The following CNTNAP5 variants were observed in gnomAD, a reference collection of about 807,000 sequenced individuals.
The protein encoded by CNTNAP5 is contactin-associated protein-like 5.
In CNTNAP5, 72 loss-of-function variants were observed where a neutral mutation model predicts 150.2. The observed-to-expected ratio is 0.48, with a 90% CI of 0.40 to 0.58. CNTNAP5 has a LOEUF of 0.58. Among genes scored for constraint, CNTNAP5 ranks in the 20% least tolerant of loss-of-function variants. The probability of loss-of-function intolerance (pLI) is 0.00; values close to 1 mark genes in which losing one functional copy is unlikely to be tolerated. For synonymous variants in CNTNAP5, 672 were observed against 619.8 expected, an observed-to-expected ratio of 1.08 and a Z score of -1.25; for missense variants, 1,636 against 1,626.2, an observed-to-expected ratio of 1.01 and a Z score of -0.10.
chr2:124,569,764 C>A (rs1696110575), intron 11 of CNTNAP5, among the ~76,000 whole-genome samples: 1 of 152,172 alleles, frequency 6.6e-6, no homozygotes, highest in South Asian at 2.1e-4. Context: ...CTCTTCCAAG[C>A]CTGATGTAGT....
At chr2:124,129,501 A>G (rs1026242099) in intron 1 of CNTNAP5, among the ~76,000 whole-genome samples, 1 of 151,410 alleles carries the variant, frequency 6.6e-6, no homozygotes, top group African/African-American at 2.4e-5. Context: ...GTATTTAAGA[A>G]GATTAAGTGG....
At chr2:124,194,248 G>T (rs1427104833) in intron 1 of CNTNAP5, among the ~76,000 whole-genome samples, 1 of 151,284 alleles carries the variant, frequency 6.6e-6, no homozygotes, top group South Asian at 2.1e-4. Context: ...CTCCCCAAAT[G>T]ACTTGGCTAT....
chr2:124,831,994 G>T (rs1213105140), intron 19 of CNTNAP5, among the ~76,000 whole-genome samples: 1 of 151,938 alleles, frequency 6.6e-6, no homozygotes, highest in Admixed American at 6.6e-5. Context: ...AGAAAATTCG[G>T]TTGTTTTCAT....
intron 19 of CNTNAP5, among the ~76,000 whole-genome samples, chr2:124,833,921 A>T (rs1303870950): frequency 6.6e-6 from 1 of 152,212 alleles, no homozygotes; most frequent in East Asian, 1.9e-4. Context: ...CTTTCTGAGG[A>T]GCTGCACATC....
intron 22 of CNTNAP5, among the ~76,000 whole-genome samples, chr2:124,906,260 T>A (rs950898461): frequency 6.6e-6 from 1 of 152,144 alleles, no homozygotes; most frequent in South Asian, 2.1e-4. Flanking sequence ...TTTTCTAGGA[T>A]GCTTTTTCTA....
chr2:124,122,850 G>T (rs190726295), intron 1 of CNTNAP5, among the ~76,000 whole-genome samples: 1 of 151,378 alleles, frequency 6.6e-6, no homozygotes, highest in African/African-American at 2.4e-5. Flanking sequence ...AGGGCTCTTT[G>T]ACACCCATGT....
chr2:124,682,887 A>C (rs192461371), intron 13 of CNTNAP5, among the ~76,000 whole-genome samples: 1 of 152,312 alleles, frequency 6.6e-6, no homozygotes, highest in Admixed American at 6.5e-5. Context: ...GGATACAAGC[A>C]ATCTAGGAAC....
At chr2:124,433,047 C>T (rs954477475) in intron 4 of CNTNAP5, among the ~76,000 whole-genome samples, 4 of 152,164 alleles carry the variant, frequency 2.6e-5, no homozygotes, top group Non-Finnish European at 5.9e-5. Flanking sequence ...ATAAATAATA[C>T]AATCACCTTA....
chr2:124,030,740 C>G (rs940269946), intron 1 of CNTNAP5, among the ~76,000 whole-genome samples: 1 of 152,002 alleles, frequency 6.6e-6, no homozygotes, highest in African/African-American at 2.4e-5. Context: ...TGGATGAGCA[C>G]TTGATGCTTT....
chr2:124,419,988 CTTTT>C lies in CNTNAP5; in HGVS notation c.529+2416_529+2419del, dbSNP rs772589224. Among the ~76,000 whole-genome samples, 17 of 78,868 alleles carry C rather than the reference CTTTT, an allele frequency of 2.2e-4. 1 individual carries two copies. The highest frequency in any genetic ancestry group is 1.8e-3 in the East Asian group (5 of 2,812). The allele number at this position is 78,868 out of a possible 152,430, so 51.7% of individuals were successfully genotyped here. A position where few individuals can be genotyped will look rare whatever the true frequency, so the allele number is the denominator to read the frequency against. On this transcript the variant is annotated intron_variant, in intron 4 of 23. Transcript: ENST00000682447. ...TCTCTCTCTCTTTCTTTCTTTCTTTCTTTTTTTTTTTTTTTTTTTTTGAGATGGA... is the reference window on the plus strand; with the variant it reads ...TCTCTCTCTCTTTCTTTCTTTCTTTCTTTTTTTTTTTTTTTTTGAGATGGA...
At chr2:124,819,804 G>A (rs950842833) in intron 19 of CNTNAP5, among the ~76,000 whole-genome samples, 1 of 152,156 alleles carries the variant, frequency 6.6e-6, no homozygotes, top group Non-Finnish European at 1.5e-5. Flanking sequence ...TAAAAGCAGA[G>A]AAAATATCCA....
rs902931994 is a variant in CNTNAP5, at chr2:124,427,069, G to A, written c.530-7415G>A. ...TTGTAATAATGGGTTCTTAAAAATC[G>A]ATTTTGAAAAAAGGGGAAGAAATTG... On this transcript the variant is annotated intron_variant, in intron 4 of 23. Transcript: ENST00000682447. Among the ~76,000 whole-genome samples the A allele has an allele frequency of 5.3e-5, 8 of 151,872 alleles. No individual in the cohort carries two copies. In the East Asian group the frequency reaches 5.8e-4, roughly 11 times the overall value.
intron 19 of CNTNAP5, among the ~76,000 whole-genome samples, chr2:124,807,291 AC>A (rs949983991): frequency 8.9e-4 from 136 of 152,278 alleles, no homozygotes; most frequent in African/African-American, 3.0e-3. Context: ...AAGGACTCTG[AC>A]TGTCGGATGC....
chr2:124,199,742 T>A lies in CNTNAP5; in HGVS notation c.83-21963T>A, dbSNP rs114562435. Reference sequence around the variant, plus strand: ...TATTCTAAAGTTCTTAAAGCTACCATGAATTTCCCTTTTTAAAATCACCTT... The same window carrying A: ...TATTCTAAAGTTCTTAAAGCTACCAAGAATTTCCCTTTTTAAAATCACCTT... On this transcript the variant is annotated intron_variant, in intron 1 of 23. Transcript: ENST00000682447. Among the ~76,000 whole-genome samples the A allele has an allele frequency of 3.5e-3, 526 of 152,302 alleles. 5 individuals are homozygous for A. The highest frequency in any genetic ancestry group is 0.012 in the African/African-American group (509 of 41,568).
intron 13 of CNTNAP5, among the ~76,000 whole-genome samples, chr2:124,686,739 G>A (rs75629322): frequency 6.6e-6 from 1 of 152,162 alleles, no homozygotes; most frequent in Non-Finnish European, 1.5e-5. Flanking sequence ...CATATTTGGG[G>A]TGGTTTGTTA....
intron 3 of CNTNAP5, among the ~76,000 whole-genome samples, chr2:124,377,682 G>GA (rs1285406110): frequency 3.2e-4 from 29 of 90,122 alleles, no homozygotes; most frequent in East Asian, 5.1e-4. Flanking sequence ...TCTCAAAAAG[G>GA]AAAAAAAAAA....
At position 124,838,827 on chromosome 2, in the gene CNTNAP5, A is replaced by C. The variant is rs558275196; in HGVS notation, c.3218-26479A>C. Among the ~76,000 whole-genome samples, 31 of 152,206 alleles carry C rather than the reference A, an allele frequency of 2.0e-4. No individual in the cohort carries two copies. In the South Asian group the frequency reaches 5.8e-3, roughly 29 times the overall value. On this transcript the variant is annotated intron_variant, in intron 19 of 23. Coordinates refer to ENST00000682447, the MANE Select transcript of CNTNAP5 (RefSeq NM_001367498.1). ...TTTTCTTCCTCTATTCTTACTTAAA[A>C]CACTTAGTAAATTCCTTATTTCCTT...
intron 3 of CNTNAP5, among the ~76,000 whole-genome samples, chr2:124,369,770 C>T (rs1200562509): frequency 3.3e-5 from 5 of 152,070 alleles, no homozygotes; most frequent in African/African-American, 9.7e-5. Context: ...AAATCTTCAT[C>T]GGACAAATGC....
chr2:124,584,902 G>C (rs1027289583), intron 11 of CNTNAP5, among the ~76,000 whole-genome samples: 7 of 152,168 alleles, frequency 4.6e-5, no homozygotes, highest in African/African-American at 1.7e-4. Context: ...GTAGAGTCAA[G>C]AACAAACATC....
Sources: gnomAD v4.1 joint callset for allele counts (sites outside exome capture counted in the v4.1 genomes callset) on GRCh38, gnomAD v4.1.1 for gene constraint, MANE v1.5 for transcripts, NCBI Gene and HGNC (gene_info 2026-07-23, HGNC 2026-07-21) for gene names.